The following LINGO2 variants were observed in gnomAD, a reference collection of about 807,000 sequenced individuals.
LINGO2 encodes leucine rich repeat and Ig domain containing 2.
A neutral mutation model predicts 30.6 loss-of-function variants in LINGO2; 14 were observed. The observed-to-expected ratio is 0.46, with a 90% CI of 0.30 to 0.72. The LOEUF is 0.72. Ranked by LOEUF, LINGO2 falls within the 30% of genes least tolerant of loss-of-function variation. LINGO2 has a pLI of 0.07. For synonymous variants in LINGO2, 317 were observed against 288.5 expected (o/e 1.10, Z -1.00); for missense variants, 729 against 751.7 (o/e 0.97, Z 0.35).
chr9:28,845,847 T>G, the LINGO2 span, among the ~76,000 whole-genome samples: 1 of 151,750 alleles, frequency 6.6e-6, no homozygotes, highest in Non-Finnish European at 1.5e-5. Context: ...TTTTAATGTA[T>G]CTATGTGCCA....
At chr9:28,994,041 T>C in the LINGO2 span, among the ~76,000 whole-genome samples, 876 of 151,546 alleles carry the variant, frequency 5.8e-3, 8 homozygotes, top group African/African-American at 0.02. Flanking sequence ...GAGAAGGAAA[T>C]AAAGGGTATT....
At position 28,215,341 on chromosome 9, in the gene LINGO2, T is replaced by C. The variant is rs539483236; in HGVS notation, c.-87+79867A>G. Among the ~76,000 whole-genome samples, 9 of 151,816 alleles carry C rather than the reference T, an allele frequency of 5.9e-5. No individual in the cohort carries two copies. The South Asian group carries it at 1.0e-3, about 17-fold the overall frequency. On this transcript the variant is annotated intron_variant, in intron 4 of 5. Coordinates refer to ENST00000379992, the Ensembl canonical transcript of LINGO2. Reference sequence around the variant, plus strand: ...GCTGGGTAAAGTGTATCTTATAAATTACTGGAGGAAAATATGGGCAGTTGG... The same window carrying C: ...GCTGGGTAAAGTGTATCTTATAAATCACTGGAGGAAAATATGGGCAGTTGG...
At chr9:28,405,058 G>C (rs1436651000) in intron 2 of LINGO2, among the ~76,000 whole-genome samples, 1 of 152,104 alleles carries the variant, frequency 6.6e-6, no homozygotes, top group Non-Finnish European at 1.5e-5. Context: ...AAGGAGAAGT[G>C]TGCCTTTCTC....
At chr9:28,785,742 T>C in the LINGO2 span, among the ~76,000 whole-genome samples, 1 of 148,838 alleles carries the variant, frequency 6.7e-6, no homozygotes, top group East Asian at 2.0e-4. Flanking sequence ...AATATTTTCC[T>C]GGAAGAAGAA....
At chr9:28,464,589 T>A (rs1209786039) in intron 2 of LINGO2, among the ~76,000 whole-genome samples, 1 of 152,184 alleles carries the variant, frequency 6.6e-6, no homozygotes, top group Non-Finnish European at 1.5e-5. Context: ...TGGGGTATAA[T>A]TTCAGGGAAA....
chr9:28,068,155 T>A (rs916422329), intron 4 of LINGO2, among the ~76,000 whole-genome samples: 5 of 152,176 alleles, frequency 3.3e-5, no homozygotes, highest in African/African-American at 1.2e-4. Context: ...TCATGTAGTG[T>A]ATGCATATAC....
chr9:27,978,492 G>A (rs1285102909), intron 5 of LINGO2, among the ~76,000 whole-genome samples: 1 of 151,948 alleles, frequency 6.6e-6, no homozygotes, highest in Non-Finnish European at 1.5e-5. Flanking sequence ...CTTATAAAAG[G>A]GACCCCAGAA....
At chr9:28,342,677 G>A (rs1390146933) in intron 3 of LINGO2, among the ~76,000 whole-genome samples, 1 of 152,070 alleles carries the variant, frequency 6.6e-6, no homozygotes, top group Non-Finnish European at 1.5e-5. Flanking sequence ...GTGAGTGGTG[G>A]TGGGGAGGAG....
the LINGO2 span, among the ~76,000 whole-genome samples, chr9:28,756,195 T>C: frequency 6.6e-6 from 1 of 151,800 alleles, no homozygotes; most frequent in Non-Finnish European, 1.5e-5. Context: ...GCCCTGGATG[T>C]GAGATGTGGA....
the LINGO2 span, among the ~76,000 whole-genome samples, chr9:28,681,734 T>C: frequency 1.3e-5 from 2 of 152,196 alleles, no homozygotes; most frequent in African/African-American, 4.8e-5. Flanking sequence ...TGTGTTCCTT[T>C]ACCTATAATC....
chr9:29,086,775 G>A, the LINGO2 span, among the ~76,000 whole-genome samples: 36 of 152,070 alleles, frequency 2.4e-4, no homozygotes, highest in African/African-American at 6.5e-4. Context: ...TACAGAGTGC[G>A]CTCTATATGC....
chr9:28,537,870 T>TAAA (rs61437576), intron 1 of LINGO2, among the ~76,000 whole-genome samples: 17 of 138,354 alleles, frequency 1.2e-4, no homozygotes, highest in African/African-American at 4.4e-4. Context: ...AGTGTTAAAT[T>TAAA]AAAAAAAAAA....
intron 4 of LINGO2, among the ~76,000 whole-genome samples, chr9:28,184,341 T>C (rs761911081): frequency 1.1e-4 from 17 of 152,208 alleles, no homozygotes; most frequent in Non-Finnish European, 1.5e-4. Context: ...CTAGAGGTAA[T>C]GCAGACAACA....
exon 6 of LINGO2, chr9:27,949,379 T>G: frequency 1.2e-6 from 2 of 1,614,118 alleles, no homozygotes; most frequent in Non-Finnish European, 1.7e-6. Flanking sequence ...CTGCACTGCA[T>G]TCTAGCTGGA....
intron 4 of LINGO2, among the ~76,000 whole-genome samples, chr9:28,083,821 G>A (rs1175790368): frequency 6.6e-6 from 1 of 152,016 alleles, no homozygotes; most frequent in Non-Finnish European, 1.5e-5. Flanking sequence ...GTTAACTATA[G>A]TAATTGCAAA....
the LINGO2 span, among the ~76,000 whole-genome samples, chr9:28,857,057 A>T: frequency 6.6e-6 from 1 of 151,874 alleles, no homozygotes; most frequent in African/African-American, 2.4e-5. Context: ...AAGGGAAGTG[A>T]CTCTGAGTTC....
At chr9:28,341,021 T>A (rs549575469) in intron 3 of LINGO2, among the ~76,000 whole-genome samples, 21 of 152,196 alleles carry the variant, frequency 1.4e-4, no homozygotes, top group African/African-American at 5.1e-4. Context: ...GAATAATGCA[T>A]CATGAAACAA....
At chr9:27,998,748 G>C (rs1821793827) in intron 5 of LINGO2, among the ~76,000 whole-genome samples, 1 of 152,032 alleles carries the variant, frequency 6.6e-6, no homozygotes, top group South Asian at 2.1e-4. Context: ...GCCATTACTG[G>C]GTCATGCATT....
At chr9:28,415,808 T>G (rs925446421) in intron 2 of LINGO2, among the ~76,000 whole-genome samples, 1 of 152,164 alleles carries the variant, frequency 6.6e-6, no homozygotes, top group African/African-American at 2.4e-5. Context: ...TACAAGCAAT[T>G]ATTATATAGT....
Sources: gnomAD v4.1 joint callset for allele counts (sites outside exome capture counted in the v4.1 genomes callset) on GRCh38, gnomAD v4.1.1 for gene constraint, MANE v1.5 for transcripts, NCBI Gene and HGNC (gene_info 2026-07-23, HGNC 2026-07-21) for gene names.